The following PCDH15 variants were observed in gnomAD, a reference collection of about 807,000 sequenced individuals.
PCDH15 encodes protocadherin-15.
PCDH15 carries 129 observed loss-of-function variants against 178.5 expected under a neutral mutation model. The ratio of observed to expected loss-of-function variants is 0.72; its 90% CI spans 0.63 to 0.84. PCDH15 has a LOEUF of 0.84. Ranked by LOEUF, PCDH15 falls within the 40% of genes least tolerant of loss-of-function variation. PCDH15 has a pLI of 0.00. For missense variants in PCDH15, 2,230 were observed against 2,099.9 expected (o/e 1.06, Z -1.21); for synonymous variants, 800 against 732.0 (o/e 1.09, Z -1.50).
intron 27 of PCDH15, among the ~76,000 whole-genome samples, chr10:53,865,023 C>G (rs909662880): frequency 4.6e-5 from 7 of 151,872 alleles, no homozygotes; most frequent in Non-Finnish European, 1.0e-4. Flanking sequence ...ATTGCTTGAG[C>G]CCAGGATTTT....
intron 2 of PCDH15, among the ~76,000 whole-genome samples, chr10:55,370,658 T>C (rs1020474699): frequency 5.9e-5 from 9 of 152,138 alleles, no homozygotes; most frequent in African/African-American, 2.2e-4. Flanking sequence ...TTTATGTTAG[T>C]ATCCTTTTTA....
intron 1 of PCDH15, among the ~76,000 whole-genome samples, chr10:54,705,325 T>A (rs1052272455): frequency 5.9e-5 from 9 of 152,036 alleles, no homozygotes; most frequent in African/African-American, 2.2e-4. Flanking sequence ...TTAAAAAAAA[T>A]ACATGCTAAG....
At chr10:53,892,838 T>C (rs937634332) in intron 26 of PCDH15, among the ~76,000 whole-genome samples, 11 of 152,180 alleles carry the variant, frequency 7.2e-5, no homozygotes, top group Non-Finnish European at 1.3e-4. Flanking sequence ...ATATATTCTT[T>C]AAAAATAAAA....
intron 26 of PCDH15, among the ~76,000 whole-genome samples, chr10:53,902,584 AT>A (rs1454255626): frequency 3.3e-5 from 5 of 152,152 alleles, no homozygotes; most frequent in African/African-American, 1.2e-4. Flanking sequence ...GTAATAAAAC[AT>A]TAGTAATACA....
At chr10:54,755,526 T>G (rs543360786) in intron 1 of PCDH15, among the ~76,000 whole-genome samples, 82 of 152,260 alleles carry the variant, frequency 5.4e-4, no homozygotes, top group African/African-American at 1.9e-3. Context: ...GGAGAATAAA[T>G]TTATTTATAA....
At chr10:54,269,377 T>G (rs2057905090) in intron 8 of PCDH15, among the ~76,000 whole-genome samples, 1 of 151,934 alleles carries the variant, frequency 6.6e-6, no homozygotes, top group Non-Finnish European at 1.5e-5. Flanking sequence ...TGAATCACTG[T>G]GAAGAGGGGA....
At chr10:54,444,279 A>G (rs1488870118) in intron 3 of PCDH15, among the ~76,000 whole-genome samples, 2 of 151,716 alleles carry the variant, frequency 1.3e-5, no homozygotes, top group Admixed American at 6.6e-5. Context: ...AAGGGAAGAT[A>G]GTACACTACA....
intron 2 of PCDH15, among the ~76,000 whole-genome samples, chr10:55,146,098 T>C (rs2589460): frequency 0.53 from 80,248 of 151,732 alleles, 21,641 homozygotes; most frequent in South Asian, 0.65. Context: ...GCTTCTTTTT[T>C]GGCTGTGCCA....
chr10:54,697,661 G>GAAGGAA (rs397976953), intron 1 of PCDH15, among the ~76,000 whole-genome samples: 2 of 89,322 alleles, frequency 2.2e-5, no homozygotes, highest in Admixed American at 1.2e-4. Context: ...AGGAAGGAAG[G>GAAGGAA]GGAAGGGGGA....
chr10:53,859,026 C>T (rs1434951563), intron 27 of PCDH15, among the ~76,000 whole-genome samples: 1 of 149,906 alleles, frequency 6.7e-6, no homozygotes, highest in African/African-American at 2.4e-5. Context: ...TTCTTCCTTC[C>T]CTCTCCTCCT....
intron 28 of PCDH15, among the ~76,000 whole-genome samples, chr10:53,846,043 C>T (rs2077953714): frequency 6.6e-6 from 1 of 151,354 alleles, no homozygotes; most frequent in Admixed American, 6.6e-5. Flanking sequence ...CACACACACA[C>T]ACACACAAAC....
At chr10:54,522,448 G>A (rs2082976818) in intron 3 of PCDH15, among the ~76,000 whole-genome samples, 1 of 152,106 alleles carries the variant, frequency 6.6e-6, no homozygotes, top group Non-Finnish European at 1.5e-5. Flanking sequence ...TGTCTATAAT[G>A]TAAATTCCCT....
At chr10:55,563,928 T>C (rs1842250321) in intron 2 of PCDH15, among the ~76,000 whole-genome samples, 1 of 151,904 alleles carries the variant, frequency 6.6e-6, no homozygotes, top group African/African-American at 2.4e-5. Context: ...CAAGGAATCC[T>C]GCAGCTTAAA....
chr10:54,141,052 A>C (rs1409249721), intron 14 of PCDH15, among the ~76,000 whole-genome samples: 2 of 151,712 alleles, frequency 1.3e-5, no homozygotes, highest in Non-Finnish European at 2.9e-5. Context: ...ACACATACAC[A>C]TATTTATATG....
chr10:55,503,635 G>A (rs1379302331), intron 2 of PCDH15, among the ~76,000 whole-genome samples: 2 of 151,128 alleles, frequency 1.3e-5, no homozygotes, highest in Non-Finnish European at 3.0e-5. Context: ...ATAGTATAAT[G>A]ACCTCCCAAA....
At chr10:55,531,827 A>G (rs1175496380) in intron 2 of PCDH15, among the ~76,000 whole-genome samples, 1 of 152,088 alleles carries the variant, frequency 6.6e-6, no homozygotes, top group Non-Finnish European at 1.5e-5. Flanking sequence ...GTGTGTTAAT[A>G]CAGCAAGTGA....
intron 2 of PCDH15, among the ~76,000 whole-genome samples, chr10:55,461,422 T>C (rs1300579731): frequency 6.6e-6 from 1 of 152,186 alleles, no homozygotes; most frequent in East Asian, 1.9e-4. Flanking sequence ...CCTGTAATTC[T>C]TTAAATTATA....
At chr10:54,244,793 C>T (rs1201387924) in intron 8 of PCDH15, among the ~76,000 whole-genome samples, 5 of 152,104 alleles carry the variant, frequency 3.3e-5, no homozygotes, top group Admixed American at 6.5e-5. Flanking sequence ...ATCCTCCAAA[C>T]GATTTTGACA....
intron 3 of PCDH15, among the ~76,000 whole-genome samples, chr10:54,523,854 G>C (rs559170428): frequency 4.6e-5 from 7 of 152,224 alleles, no homozygotes; most frequent in South Asian, 2.1e-4. Context: ...TGATCATAAG[G>C]AATGGAAGAA....
Sources: allele counts gnomAD v4.1 joint callset (sites outside exome capture counted in the v4.1 genomes callset), GRCh38; gene constraint gnomAD v4.1.1; transcripts MANE v1.5; gene names NCBI Gene and HGNC (gene_info 2026-07-23, HGNC 2026-07-21).